Variants in ARID1B observed in about 807,000 individuals in gnomAD.
The protein encoded by ARID1B is AT-rich interactive domain-containing protein 1B.
In ARID1B, 30 loss-of-function variants were observed where a neutral mutation model predicts 212.3. The ratio of observed to expected loss-of-function variants is 0.14; its 90% CI spans 0.11 to 0.19. The LOEUF is 0.19. Among genes scored for constraint, ARID1B ranks in the 10% least tolerant of loss-of-function variants. ARID1B has a pLI of 1.00. For missense variants in ARID1B, 2,891 were observed against 3,204.0 expected, an observed-to-expected ratio of 0.90 and a Z score of 2.36; for synonymous variants, 1,402 against 1,301.7, an observed-to-expected ratio of 1.08 and a Z score of -1.66.
rs747320636 is a variant in ARID1B at position 156,779,346 on chromosome 6, ATGGGCT to A, written c.1672_1677del (p.Leu558_Gly559del). ...GGGCGGCCAGCAGGCGGCCGCGGGC[ATGGGCT>A]TGGGCAAGGACATGGGCGCCCAGTA... On this transcript the variant is annotated inframe_deletion, in exon 1 of 20. Coordinates refer to ENST00000636930, the MANE Select transcript of ARID1B (RefSeq NM_001374828.1). 3.4e-6 allele frequency: 4 copies of A among 1,172,016 alleles called. No homozygotes were observed. In the South Asian group the frequency reaches 1.5e-4, roughly 43 times the overall value. 72.6% of individuals were successfully genotyped at this position (1,172,016 alleles called of 1,614,324 possible).
intron 4 of ARID1B, among the ~76,000 whole-genome samples, chr6:157,039,873 T>TCCC (rs1207860418): frequency 1.1e-5 from 1 of 92,770 alleles, no homozygotes; most frequent in African/African-American, 3.8e-5. Context: ...TCTCTTTCTC[T>TCCC]TTCTTTTCTC....
At chr6:156,907,331 TC>T (rs1362233439) in intron 3 of ARID1B, among the ~76,000 whole-genome samples, 3 of 152,230 alleles carry the variant, frequency 2.0e-5, no homozygotes, top group Non-Finnish European at 2.9e-5. Flanking sequence ...AATTTTATCT[TC>T]CGTCTTTTTT....
chr6:157,099,739 G>A (rs780124384), intron 5 of ARID1B, among the ~76,000 whole-genome samples: 2 of 152,134 alleles, frequency 1.3e-5, no homozygotes, highest in Non-Finnish European at 2.9e-5. Context: ...AAAAGACTTG[G>A]AACACTCAGA....
intron 3 of ARID1B, among the ~76,000 whole-genome samples, chr6:156,927,860 A>ATC (rs2128250747): frequency 6.6e-6 from 1 of 152,344 alleles, no homozygotes; most frequent in African/African-American, 2.4e-5. Flanking sequence ...AGACGATAGC[A>ATC]TCCCCGTCTT....
intron 3 of ARID1B, among the ~76,000 whole-genome samples, chr6:156,905,472 A>G (rs1789301751): frequency 1.3e-5 from 2 of 152,156 alleles, no homozygotes; most frequent in South Asian, 4.1e-4. Context: ...GATAAGGCCC[A>G]CCCACATTAT....
intron 3 of ARID1B, among the ~76,000 whole-genome samples, chr6:156,909,962 T>C (rs1562478565): frequency 6.6e-6 from 1 of 152,212 alleles, no homozygotes; most frequent in Non-Finnish European, 1.5e-5. Context: ...AAAGCTTCCC[T>C]TTGTACCCTC....
In ARID1B at chr6:157,049,175, G is replaced by GAA. The variant is rs375616004; in HGVS notation, c.2248-35471_2248-35470dup. ...GTGACAGAGCAAGACTCAGTCTGGA[G>GAA]AAAAAAAAAAAAAAAAAGACTTGCT... On this transcript the variant is annotated intron_variant, in intron 4 of 19. Coordinates refer to ENST00000636930, the MANE Select transcript of ARID1B (RefSeq NM_001374828.1). 7.2e-3 allele frequency among the ~76,000 whole-genome samples: 837 copies of GAA among 116,922 alleles called. 9 individuals carry two copies. Among genetic ancestry groups the GAA allele is most frequent in the African/African-American group, 0.023 (722 of 31,534 alleles). The allele number at this position is 116,922 out of a possible 152,430, so 76.7% of individuals were successfully genotyped here. A position where few individuals can be genotyped will look rare whatever the true frequency, so the allele number is the denominator to read the frequency against.
intron 4 of ARID1B, among the ~76,000 whole-genome samples, chr6:157,021,257 G>C (rs1780228341): frequency 6.6e-6 from 1 of 152,238 alleles, no homozygotes; most frequent in South Asian, 2.1e-4. Context: ...CCGGCCCCGC[G>C]GTACAGCGGG....
At chr6:157,037,488 C>T (rs1176166321) in intron 4 of ARID1B, among the ~76,000 whole-genome samples, 1 of 152,020 alleles carries the variant, frequency 6.6e-6, no homozygotes, top group African/African-American at 2.4e-5. Context: ...GTTTTGAGGG[C>T]TTAGGTTATA....
intron 1 of ARID1B, among the ~76,000 whole-genome samples, chr6:156,803,518 A>G (rs2115372662): frequency 6.6e-6 from 1 of 151,476 alleles, no homozygotes; most frequent in African/African-American, 2.4e-5. Context: ...ACTTACCTAG[A>G]CTTACCTTTG....
intron 2 of ARID1B, among the ~76,000 whole-genome samples, chr6:156,830,029 C>T (rs1445670727): frequency 1.3e-5 from 2 of 151,974 alleles, no homozygotes; most frequent in African/African-American, 2.4e-5. Flanking sequence ...CTTAAGAGAC[C>T]CAACATTTTC....
intron 7 of ARID1B, among the ~76,000 whole-genome samples, chr6:157,138,270 C>G (rs113253369): frequency 0.016 from 2,406 of 151,964 alleles, 38 homozygotes; most frequent in Admixed American, 0.034. Flanking sequence ...GAGTCTCACT[C>G]TGTCACCCAG....
intron 2 of ARID1B, among the ~76,000 whole-genome samples, chr6:156,830,345 A>G (rs560833360): frequency 1.1e-3 from 169 of 152,304 alleles, no homozygotes; most frequent in African/African-American, 3.8e-3. Flanking sequence ...TCGGTAACCC[A>G]CAACAGGGCT....
chr6:157,123,332 A>G (rs915379682), intron 6 of ARID1B, among the ~76,000 whole-genome samples: 3 of 147,904 alleles, frequency 2.0e-5, no homozygotes, highest in South Asian at 4.3e-4. Context: ...GCTAATCAGT[A>G]CTATAGCTGT....
At chr6:156,924,719 T>C (rs1791085852) in intron 3 of ARID1B, among the ~76,000 whole-genome samples, 1 of 152,222 alleles carries the variant, frequency 6.6e-6, no homozygotes, top group African/African-American at 2.4e-5. Context: ...CTTGGTTTTA[T>C]GGATGAGGAA....
At chr6:157,016,180 C>T (rs1318803920) in intron 4 of ARID1B, among the ~76,000 whole-genome samples, 1 of 152,098 alleles carries the variant, frequency 6.6e-6, no homozygotes, top group African/African-American at 2.4e-5. Flanking sequence ...CCTTTTAATG[C>T]TTTGTGCTGT....
intron 1 of ARID1B, among the ~76,000 whole-genome samples, chr6:156,788,774 G>T (rs917010327): frequency 6.6e-6 from 1 of 152,140 alleles, no homozygotes; most frequent in Admixed American, 6.5e-5. Context: ...GAGTACCGGG[G>T]TCCTCCCTCA....
intron 2 of ARID1B, among the ~76,000 whole-genome samples, chr6:156,875,748 A>G (rs750243026): frequency 5.3e-5 from 8 of 152,252 alleles, no homozygotes; most frequent in South Asian, 2.1e-4. Flanking sequence ...TTGTCTTAAT[A>G]AAAGGATGGC....
At chr6:156,920,921 C>G (rs923367975) in intron 3 of ARID1B, among the ~76,000 whole-genome samples, 5 of 151,506 alleles carry the variant, frequency 3.3e-5, no homozygotes, top group Non-Finnish European at 5.9e-5. Flanking sequence ...GTGGTGCAAT[C>G]TCAGCTCACC....
Sources: allele counts gnomAD v4.1 joint callset (sites outside exome capture counted in the v4.1 genomes callset), GRCh38; gene constraint gnomAD v4.1.1; transcripts MANE v1.5; gene names NCBI Gene and HGNC (gene_info 2026-07-23, HGNC 2026-07-21).